IL7: variants seen among roughly 807,000 people sequenced by gnomAD.
The protein encoded by IL7 is interleukin-7.
Under a neutral mutation model 21.6 loss-of-function variants are expected in IL7, and 3 were observed. The ratio of observed to expected loss-of-function variants is 0.14; its 90% CI spans 0.06 to 0.36. IL7 has a LOEUF of 0.36. Among genes scored for constraint, IL7 ranks in the 10% least tolerant of loss-of-function variants. IL7 has a pLI of 1.00. For missense variants in IL7, 175 were observed against 200.2 expected (o/e 0.87, Z 0.76); for synonymous variants, 62 against 68.1 (o/e 0.91, Z 0.44).
chr8:78,755,557 T>C lies in IL7; in HGVS notation c.148-15475A>G, dbSNP rs2130746408. Among the ~76,000 whole-genome samples, 5 of 152,072 alleles carry C rather than the reference T, an allele frequency of 3.3e-5. No individual in the cohort carries two copies. The Middle Eastern group carries it at 0.017, about 517-fold the overall frequency. On this transcript the variant is annotated intron_variant, in intron 2 of 5. Transcript: ENST00000263851. ...TCTTCACCTCCTTGGTTAAATTTAT[T>C]TCTAGGTTTTTATTTTTATTTTATT...
downstream of IL7, among the ~76,000 whole-genome samples, chr8:78,731,467 C>T (rs769594621): frequency 2.6e-5 from 4 of 151,534 alleles, no homozygotes; most frequent in Non-Finnish European, 5.9e-5. Flanking sequence ...TTTTAATATA[C>T]TTATAAGAAT....
At chr8:78,804,832 G>A in intron 1 of IL7, 81 bp downstream of exon 1, 1 of 1,548,314 alleles carries the variant, frequency 6.5e-7, no homozygotes. Context: ...ACTTGCCTAG[G>A]AGCAGGGGCC....
In IL7 at chr8:78,800,322, G is replaced by C. The variant is rs1354957160; in HGVS notation, c.11-2114C>G. ...TTTTTCTCCCTCTCTTTTTGAGACAGGGTTTCACTCTGCTGCCCAGGCTGG... is the reference window on the plus strand; with the variant it reads ...TTTTTCTCCCTCTCTTTTTGAGACACGGTTTCACTCTGCTGCCCAGGCTGG... On this transcript the variant is annotated intron_variant, in intron 1 of 5. Transcript: ENST00000263851. 2.0e-5 allele frequency among the ~76,000 whole-genome samples: 3 copies of C among 151,980 alleles called. No homozygotes were observed. The South Asian group carries it at 6.2e-4, about 32-fold the overall frequency.
intron 2 of IL7, chr8:78,747,198 T>C (rs1482444158): frequency 5.2e-6 from 2 of 381,340 alleles, no homozygotes; most frequent in East Asian, 1.5e-4. Flanking sequence ...CTTTTTTTTT[T>C]TTTTTTTTTT....
At chr8:78,747,254 C>T (rs1044878150) in intron 2 of IL7, among the ~76,000 whole-genome samples, 2 of 134,454 alleles carry the variant, frequency 1.5e-5, no homozygotes, top group African/African-American at 2.9e-5. Context: ...GGCATGGTCT[C>T]GGCTCACTGC....
intron 2 of IL7, among the ~76,000 whole-genome samples, chr8:78,781,729 G>A (rs2130809152): frequency 6.6e-6 from 1 of 152,100 alleles, no homozygotes; most frequent in East Asian, 1.9e-4. Flanking sequence ...TATCTTACTG[G>A]GGCTCTCTGT....
At chr8:78,717,609 C>G, downstream of IL7, 3 of 1,175,014 alleles carry the variant, frequency 2.6e-6, no homozygotes, top group Non-Finnish European at 3.5e-6. Flanking sequence ...ATACCATTTC[C>G]AGTTAATTTT....
chr8:78,800,405 C>T (rs1230115490), intron 1 of IL7, among the ~76,000 whole-genome samples: 1 of 152,122 alleles, frequency 6.6e-6, no homozygotes, highest in Non-Finnish European at 1.5e-5. Context: ...TCAAGCGATC[C>T]TCCTACCTCA....
At chr8:78,743,424 G>C (rs1272479266) in intron 2 of IL7, among the ~76,000 whole-genome samples, 1 of 151,202 alleles carries the variant, frequency 6.6e-6, no homozygotes, top group African/African-American at 2.4e-5. Context: ...TTTAATTATA[G>C]CCATTCTGAC....
chr8:78,796,660 A>G (rs1398058253), intron 2 of IL7, among the ~76,000 whole-genome samples: 1 of 152,056 alleles, frequency 6.6e-6, no homozygotes, highest in Non-Finnish European at 1.5e-5. Flanking sequence ...AAGATGGTCA[A>G]CATTGTATGT....
chr8:78,738,380 T>C (rs1374429393), intron 4 of IL7, 124 bp downstream of exon 4: 1 of 793,484 alleles, frequency 1.3e-6, no homozygotes, highest in Non-Finnish European at 1.9e-6. Flanking sequence ...TAAACATACT[T>C]CAACTTTAGA....
intron 2 of IL7, among the ~76,000 whole-genome samples, chr8:78,757,342 G>A (rs1178903591): frequency 6.6e-6 from 1 of 152,020 alleles, no homozygotes; most frequent in Admixed American, 6.6e-5. Context: ...ATGTGCTGGT[G>A]AAAAGAATGT....
chr8:78,739,940 C>A, intron 3 of IL7, 62 bp downstream of exon 3: 1 of 1,415,598 alleles, frequency 7.1e-7, no homozygotes, highest in African/African-American at 1.5e-5. Flanking sequence ...AACAGAGGCA[C>A]AAAAAATAGA....
At chr8:78,775,845 A>G (rs1011423034) in intron 2 of IL7, among the ~76,000 whole-genome samples, 5 of 151,996 alleles carry the variant, frequency 3.3e-5, no homozygotes, top group Admixed American at 6.6e-5. Flanking sequence ...AGGGCTTGGG[A>G]CTTCACTGGA....
intron 3 of IL7, among the ~76,000 whole-genome samples, chr8:78,686,903 T>C (rs903159908): frequency 6.6e-6 from 1 of 152,162 alleles, no homozygotes; most frequent in Admixed American, 6.6e-5. Context: ...CCAGGAAATA[T>C]TTTAACCATG....
At chr8:78,771,367 G>A (rs923222112) in intron 2 of IL7, among the ~76,000 whole-genome samples, 3 of 152,020 alleles carry the variant, frequency 2.0e-5, no homozygotes, top group Non-Finnish European at 1.5e-5. Context: ...ATTAAACAAG[G>A]TCTAAGGCAG....
rs554184830 is a variant in IL7 at position 78,777,225 on chromosome 8, T to C, written c.147+20847A>G. ...GGTTCAAAACAAATAAAAATACCAA[T>C]ATAGTAATTTTCATAAAATAGCTAT... is the stretch of plus-strand genomic sequence containing the variant. On this transcript the variant is annotated intron_variant, in intron 2 of 5. Transcript: ENST00000263851. 2.0e-5 allele frequency among the ~76,000 whole-genome samples: 3 copies of C among 152,146 alleles called. No homozygotes were observed. The South Asian group carries it at 6.2e-4, about 32-fold the overall frequency.
chr8:78,782,934 G>A (rs888426030), intron 2 of IL7, among the ~76,000 whole-genome samples: 8 of 152,136 alleles, frequency 5.3e-5, no homozygotes, highest in Non-Finnish European at 1.2e-4. Context: ...GGATGGGTCC[G>A]GGTGCAGCCT....
At chr8:78,678,552 T>C (rs1809660109) in intron 4 of IL7, 2 of 1,596,764 alleles carry the variant, frequency 1.3e-6, no homozygotes, top group African/African-American at 1.4e-5. Flanking sequence ...TGCATTTCTT[T>C]ATCTTAACAG....
Sources: allele counts gnomAD v4.1 joint callset (sites outside exome capture counted in the v4.1 genomes callset), GRCh38; gene constraint gnomAD v4.1.1; transcripts MANE v1.5; gene names NCBI Gene and HGNC (gene_info 2026-07-23, HGNC 2026-07-21).